The following CCNH variants were observed in gnomAD, a reference collection of about 807,000 sequenced individuals.
The protein encoded by CCNH is cyclin-H.
Under a neutral mutation model 41.9 loss-of-function variants are expected in CCNH, and 31 were observed. The ratio of observed to expected loss-of-function variants is 0.74; its 90% CI spans 0.56 to 1.00. The LOEUF (loss-of-function observed/expected upper bound fraction) is 1.00. Ranked by LOEUF, CCNH falls within the 50% of genes least tolerant of loss-of-function variation. The pLI, the probability that CCNH is intolerant of heterozygous loss-of-function variation, is 0.00. For synonymous variants in CCNH, 138 were observed against 136.1 expected, an observed-to-expected ratio of 1.01 and a Z score of -0.10; for missense variants, 362 against 388.4, an observed-to-expected ratio of 0.93 and a Z score of 0.57.
chr5:87,338,720 TAAGTG>T (rs1381746965), intron 9 of CCNH, among the ~76,000 whole-genome samples: 1 of 150,950 alleles, frequency 6.6e-6, no homozygotes, highest in African/African-American at 2.4e-5. Context: ...TTCTTCCTCA[TAAGTG>T]AAGTTATATC....
rs2290280 is a variant in CCNH, at chr5:87,412,904, C to T, written c.-110G>A. 4 of 1,494,298 alleles carry T rather than the reference C, an allele frequency of 2.7e-6. No individual in the cohort carries two copies. The highest frequency in any genetic ancestry group is 2.7e-6 in the Non-Finnish European group (3 of 1,122,070). 92.6% of individuals were successfully genotyped at this position (1,494,298 alleles called of 1,614,324 possible). On this transcript the variant is annotated 5_prime_UTR_variant, in exon 1 of 9. Coordinates refer to ENST00000256897, the MANE Select transcript of CCNH (RefSeq NM_001239.4). Reference sequence around the variant, plus strand: ...CCGAAGATCTCGCGGAAGCCTAGGGCGTCCGGCTAGCCGGCGCTGGCGCGC... The same window carrying T: ...CCGAAGATCTCGCGGAAGCCTAGGGTGTCCGGCTAGCCGGCGCTGGCGCGC...
At chr5:87,409,729 C>T (rs1580466654) in intron 2 of CCNH, among the ~76,000 whole-genome samples, 9 of 151,870 alleles carry the variant, frequency 5.9e-5, no homozygotes, top group Admixed American at 5.3e-4. Flanking sequence ...TACAAACGTT[C>T]ACAGATTAAC....
chr5:87,333,150 G>C (rs762672321), intron 9 of CCNH: 4 of 1,431,212 alleles, frequency 2.8e-6, no homozygotes, highest in Non-Finnish European at 2.8e-6. Flanking sequence ...AAATTTATTT[G>C]AATGATCCCA....
chr5:87,376,887 C>G (rs777558391), exon 1 of CCNH: 1 of 1,603,690 alleles, frequency 6.2e-7, no homozygotes, highest in South Asian at 1.1e-5. Flanking sequence ...TTAGCTTATA[C>G]TGCAAAAGGA....
chr5:87,317,873 C>T (rs911789225), downstream of CCNH, among the ~76,000 whole-genome samples: 3 of 152,016 alleles, frequency 2.0e-5, no homozygotes, highest in Admixed American at 6.6e-5. Context: ...TGAGCTCAAG[C>T]AATCCGCCCA....
At chr5:87,404,708 C>CAAAAGGCA (rs1252633746) in intron 5 of CCNH, 136 bp downstream of exon 5, 1 of 677,638 alleles carries the variant, frequency 1.5e-6, no homozygotes, top group Non-Finnish European at 2.4e-6. Flanking sequence ...AAGATTTCCT[C>CAAAAGGCA]AAAAGGCAAT....
At chr5:87,354,053 G>T (rs1319841626) in intron 9 of CCNH, among the ~76,000 whole-genome samples, 1 of 151,890 alleles carries the variant, frequency 6.6e-6, no homozygotes, top group Non-Finnish European at 1.5e-5. Flanking sequence ...ACAGTGATTT[G>T]TAGTGTGCCT....
intron 9 of CCNH, among the ~76,000 whole-genome samples, chr5:87,348,262 G>C (rs1759005395): frequency 6.6e-6 from 1 of 151,968 alleles, no homozygotes; most frequent in Admixed American, 6.6e-5. Context: ...CTTCATAAGT[G>C]CCTTGATTGG....
At chr5:87,357,230 A>G (rs1245948057) in intron 9 of CCNH, among the ~76,000 whole-genome samples, 2 of 151,958 alleles carry the variant, frequency 1.3e-5, no homozygotes, top group African/African-American at 4.8e-5. Context: ...ATACACACAC[A>G]TATATAAATA....
chr5:87,377,004 T>C, exon 1 of CCNH: 1 of 1,613,870 alleles, frequency 6.2e-7, no homozygotes, highest in Non-Finnish European at 8.5e-7. Context: ...ATCGTTGTTG[T>C]TATGCACACT....
At chr5:87,385,445 A>G in intron 9 of CCNH, 1 of 1,319,926 alleles carries the variant, frequency 7.6e-7, no homozygotes, top group South Asian at 1.2e-5. Context: ...TTGACATGAT[A>G]AAACCATAAA....
chr5:87,374,455 A>AT (rs1169277828), downstream of CCNH: 9 of 264,208 alleles, frequency 3.4e-5, no homozygotes, highest in African/African-American at 2.1e-4. Flanking sequence ...ATATATATAT[A>AT]TATATTTTTT....
downstream of CCNH, among the ~76,000 whole-genome samples, chr5:87,390,617 C>T (rs1057100639): frequency 4.6e-5 from 7 of 152,112 alleles, no homozygotes; most frequent in African/African-American, 1.7e-4. Context: ...TAAAAATTCT[C>T]TTAGTTATGA....
At chr5:87,313,147 G>A in the CCNH span, among the ~76,000 whole-genome samples, 1 of 152,188 alleles carries the variant, frequency 6.6e-6, no homozygotes. Context: ...GTGTTTAAGT[G>A]AGGAAACTCA....
At chr5:87,380,755 T>TTA (rs543667692), upstream of CCNH, among the ~76,000 whole-genome samples, 310 of 152,334 alleles carry the variant, frequency 2.0e-3, 1 homozygote, top group Admixed American at 3.5e-3. Flanking sequence ...AAACTGAAAG[T>TTA]TACTGTGAGA....
At chr5:87,389,998 C>T (rs532462528), downstream of CCNH, among the ~76,000 whole-genome samples, 1 of 152,246 alleles carries the variant, frequency 6.6e-6, no homozygotes, top group South Asian at 2.1e-4. Flanking sequence ...GCACGTCTAA[C>T]AAACTCTTAG....
At chr5:87,323,537 G>A (rs1379025112) in intron 9 of CCNH, among the ~76,000 whole-genome samples, 1 of 152,132 alleles carries the variant, frequency 6.6e-6, no homozygotes, top group Non-Finnish European at 1.5e-5. Context: ...ATTTCAGTTT[G>A]AGGAACTGAA....
At chr5:87,392,800 A>G (rs1580427254), downstream of CCNH, 1 of 154,648 alleles carries the variant, frequency 6.5e-6, no homozygotes. Flanking sequence ...CTAGCTTGTC[A>G]GTGTTGAAAT....
At chr5:87,389,346 AAAAG>A (rs543639052), downstream of CCNH, 174 of 1,611,602 alleles carry the variant, frequency 1.1e-4, no homozygotes, top group East Asian at 3.8e-3. Context: ...AAAACAAAAA[AAAAG>A]AAGATTTGTA....
Sources: allele counts gnomAD v4.1 joint callset (sites outside exome capture counted in the v4.1 genomes callset), GRCh38; gene constraint gnomAD v4.1.1; transcripts MANE v1.5; gene names NCBI Gene and HGNC (gene_info 2026-07-23, HGNC 2026-07-21).